MAML2: variants seen among roughly 807,000 people sequenced by gnomAD.
MAML2 encodes mastermind-like protein 2.
Under a neutral mutation model 96.1 loss-of-function variants are expected in MAML2, and 22 were observed. The ratio of observed to expected loss-of-function variants is 0.23; its 90% CI spans 0.16 to 0.33. The LOEUF is 0.33. Among genes scored for constraint, MAML2 ranks in the 10% least tolerant of loss-of-function variants. The probability of loss-of-function intolerance (pLI) is 1.00; values close to 1 mark genes in which losing one functional copy is unlikely to be tolerated. For synonymous variants in MAML2, 561 were observed against 521.3 expected (o/e 1.08, Z -1.04); for missense variants, 1,367 against 1,392.4 (o/e 0.98, Z 0.29).
intron 1 of MAML2, among the ~76,000 whole-genome samples, chr11:96,263,232 C>T (rs1210347895): frequency 6.6e-6 from 1 of 152,166 alleles, no homozygotes. Flanking sequence ...AATGTCATGT[C>T]CAATTCAGGT....
intron 1 of MAML2, among the ~76,000 whole-genome samples, chr11:96,261,144 A>G (rs1188532257): frequency 1.3e-5 from 2 of 152,140 alleles, no homozygotes; most frequent in East Asian, 3.9e-4. Flanking sequence ...CTCTGTCCTC[A>G]TAAATGGATT....
At chr11:96,020,788 A>T (rs1215821103) in intron 2 of MAML2, among the ~76,000 whole-genome samples, 2 of 152,220 alleles carry the variant, frequency 1.3e-5, no homozygotes, top group East Asian at 3.8e-4. Flanking sequence ...TCTTAGTGGC[A>T]GAGTGTAAGG....
intron 2 of MAML2, among the ~76,000 whole-genome samples, chr11:96,013,787 C>T (rs897320831): frequency 6.6e-6 from 1 of 152,196 alleles, no homozygotes; most frequent in African/African-American, 2.4e-5. Flanking sequence ...GAGCATCTTC[C>T]TTCTGGTTCC....
chr11:96,070,206 C>T (rs1480245588), intron 2 of MAML2, among the ~76,000 whole-genome samples: 2 of 151,946 alleles, frequency 1.3e-5, no homozygotes, highest in South Asian at 2.1e-4. Context: ...AGGAGAATGG[C>T]GTGAACCCGG....
chr11:96,341,924 G>C lies in MAML2; in HGVS notation c.-29C>G. The C allele has an allele frequency of 6.7e-7, 1 of 1,482,324 alleles. No homozygotes were observed. Among genetic ancestry groups the C allele is most frequent in the Non-Finnish European group, 8.9e-7 (1 of 1,122,294 alleles). 91.8% of individuals were successfully genotyped at this position (1,482,324 alleles called of 1,614,324 possible). ...ACCGGACACAATGATTGCTGCCTCT[G>C]GGATGGTGAGGTGGAAAGAGGCTAC... On this transcript the variant is annotated 5_prime_UTR_variant, in exon 1 of 5. Coordinates refer to ENST00000524717, the MANE Select transcript of MAML2 (RefSeq NM_032427.4).
chr11:96,233,774 T>C lies in MAML2; in HGVS notation c.513+107609A>G, dbSNP rs113168461. Among the ~76,000 whole-genome samples the C allele has an allele frequency of 5.4e-4, 82 of 152,306 alleles. 1 individual carries two copies. The highest frequency in any genetic ancestry group is 1.9e-3 in the African/African-American group (79 of 41,540). Reference sequence around the variant, plus strand: ...AATAGAAAACAAAATGATTTTCTCCTAGGCCAGTTGTGATACATCACCTCT... The same window carrying C: ...AATAGAAAACAAAATGATTTTCTCCCAGGCCAGTTGTGATACATCACCTCT... On this transcript the variant is annotated intron_variant, in intron 1 of 4. Transcript: ENST00000524717.
intron 2 of MAML2, among the ~76,000 whole-genome samples, chr11:96,065,337 A>T (rs1859227745): frequency 6.6e-6 from 1 of 152,096 alleles, no homozygotes; most frequent in Non-Finnish European, 1.5e-5. Context: ...ATGTGATTTT[A>T]AAAAAATATC....
intron 1 of MAML2, among the ~76,000 whole-genome samples, chr11:96,173,738 C>G (rs140186914): frequency 1.5e-3 from 230 of 152,312 alleles, no homozygotes; most frequent in Non-Finnish European, 2.6e-3. Context: ...AGGACAGGGA[C>G]TTCTTTGTCT....
chr11:96,339,940 G>A (rs76275279), intron 1 of MAML2, among the ~76,000 whole-genome samples: 6,197 of 152,288 alleles, frequency 0.041, 137 homozygotes, highest in Middle Eastern at 0.082. Flanking sequence ...AACCCCACAA[G>A]CTAGTGCTGC....
chr11:96,337,877 C>T (rs1455982865), intron 1 of MAML2, among the ~76,000 whole-genome samples: 1 of 152,210 alleles, frequency 6.6e-6, no homozygotes, highest in East Asian at 1.9e-4. Context: ...TCTCAACAAG[C>T]TGGGGCAGCA....
rs199825947 is a variant in MAML2 at position 96,155,531 on chromosome 11, T to C, written c.514-62014A>G. 1.0e-4 allele frequency among the ~76,000 whole-genome samples: 9 copies of C among 87,930 alleles called. 2 individuals carry two copies. The South Asian group carries it at 2.7e-3, about 26-fold the overall frequency. 57.7% of individuals were successfully genotyped at this position (87,930 alleles called of 152,430 possible). ...TCAAATATATATATATATATATATA[T>C]ATATATATATATATATATATGAGGA... On this transcript the variant is annotated intron_variant, in intron 1 of 4. Coordinates refer to ENST00000524717, the MANE Select transcript of MAML2 (RefSeq NM_032427.4).
chr11:96,087,224 C>T (rs1859631664), intron 2 of MAML2, among the ~76,000 whole-genome samples: 1 of 152,146 alleles, frequency 6.6e-6, no homozygotes, highest in Non-Finnish European at 1.5e-5. Context: ...ACAAAAAAGA[C>T]ACCAAGTTCC....
chr11:96,325,267 G>T (rs1863760063), intron 1 of MAML2, among the ~76,000 whole-genome samples: 1 of 152,096 alleles, frequency 6.6e-6, no homozygotes, highest in Non-Finnish European at 1.5e-5. Context: ...AGCCCCAGGG[G>T]TAGACTGATG....
chr11:96,240,243 T>C (rs2135960027), intron 1 of MAML2, among the ~76,000 whole-genome samples: 1 of 152,204 alleles, frequency 6.6e-6, no homozygotes, highest in East Asian at 1.9e-4. Context: ...ATACAAAAAA[T>C]AGAAAATTTG....
intron 1 of MAML2, among the ~76,000 whole-genome samples, chr11:96,290,648 AT>A (rs1212454861): frequency 1.3e-5 from 2 of 152,234 alleles, no homozygotes; most frequent in Non-Finnish European, 2.9e-5. Context: ...AAATTTTAAG[AT>A]ATTTGATATT....
At chr11:96,280,098 T>A (rs899682551) in intron 1 of MAML2, among the ~76,000 whole-genome samples, 1 of 152,198 alleles carries the variant, frequency 6.6e-6, no homozygotes, top group South Asian at 2.1e-4. Flanking sequence ...TCACACACAA[T>A]CATTCTTTTA....
chr11:96,091,819 A>C (rs1859710619), intron 2 of MAML2, 73 bp downstream of exon 2: 3 of 1,529,322 alleles, frequency 2.0e-6, no homozygotes, highest in Non-Finnish European at 1.8e-6. Context: ...TACAAACATA[A>C]TGGTAACCAC....
chr11:96,253,992 T>C (rs556635237), intron 1 of MAML2, among the ~76,000 whole-genome samples: 1 of 152,326 alleles, frequency 6.6e-6, no homozygotes, highest in South Asian at 2.1e-4. Context: ...TGCAAAGGTA[T>C]ATAAGAATAA....
chr11:96,037,974 C>T (rs573746794), intron 2 of MAML2, among the ~76,000 whole-genome samples: 5 of 152,142 alleles, frequency 3.3e-5, no homozygotes, highest in Admixed American at 2.6e-4. Context: ...CATTAACGTA[C>T]TAAAGAGAAT....
Sources: allele counts gnomAD v4.1 joint callset (sites outside exome capture counted in the v4.1 genomes callset), GRCh38; gene constraint gnomAD v4.1.1; transcripts MANE v1.5; gene names NCBI Gene and HGNC (gene_info 2026-07-23, HGNC 2026-07-21).